The following PTPRG variants were observed in gnomAD, a reference collection of about 807,000 sequenced individuals.
PTPRG encodes receptor-type tyrosine-protein phosphatase gamma.
Under a neutral mutation model 165.3 loss-of-function variants are expected in PTPRG, and 102 were observed. The observed-to-expected ratio is 0.62, with a 90% CI of 0.53 to 0.73. The LOEUF is 0.73. PTPRG is among the 30% of genes least tolerant of loss of function. The pLI is 0.00. For missense variants in PTPRG, 1,866 were observed against 1,861.4 expected (o/e 1.00, Z -0.05); for synonymous variants, 675 against 669.5 (o/e 1.01, Z -0.13).
At chr3:61,859,098 G>A (rs988355014) in intron 2 of PTPRG, among the ~76,000 whole-genome samples, 1 of 152,096 alleles carries the variant, frequency 6.6e-6, no homozygotes, top group Non-Finnish European at 1.5e-5. Flanking sequence ...GCAAAATAAA[G>A]CTTAATCTAG....
intron 5 of PTPRG, among the ~76,000 whole-genome samples, chr3:62,096,397 T>C (rs911421394): frequency 2.6e-5 from 4 of 152,200 alleles, no homozygotes; most frequent in African/African-American, 4.8e-5. Context: ...CACTTTTTGC[T>C]GCTTTTCTCA....
At chr3:61,803,547 A>G (rs1478964342) in intron 2 of PTPRG, among the ~76,000 whole-genome samples, 2 of 126,574 alleles carry the variant, frequency 1.6e-5, no homozygotes, top group Middle Eastern at 3.8e-3. Flanking sequence ...GCACACTGCA[A>G]CCCACAGTAC....
chr3:61,991,230 G>A (rs1294185868), intron 3 of PTPRG, among the ~76,000 whole-genome samples: 1 of 152,120 alleles, frequency 6.6e-6, no homozygotes, highest in African/African-American at 2.4e-5. Context: ...TTTTGAGACG[G>A]AGTCTCACTC....
chr3:62,170,122 A>T (rs1705160558), intron 8 of PTPRG, among the ~76,000 whole-genome samples: 1 of 152,190 alleles, frequency 6.6e-6, no homozygotes, highest in Admixed American at 6.5e-5. Context: ...ATTTGGGGAC[A>T]ATAGATTGTC....
At chr3:61,646,749 A>G (rs1702212396) in intron 1 of PTPRG, among the ~76,000 whole-genome samples, 1 of 152,204 alleles carries the variant, frequency 6.6e-6, no homozygotes, top group South Asian at 2.1e-4. Context: ...ATCTAGATAC[A>G]GGACAGTTCC....
At chr3:62,086,278 A>ATTTTTTTTT (rs34119209) in intron 5 of PTPRG, among the ~76,000 whole-genome samples, 1 of 148,172 alleles carries the variant, frequency 6.7e-6, no homozygotes. Context: ...TATGGTTTTA[A>ATTTTTTTTT]TTTTTTTTTT....
intron 1 of PTPRG, among the ~76,000 whole-genome samples, chr3:61,641,975 C>T (rs1220448448): frequency 6.6e-6 from 1 of 152,088 alleles, no homozygotes; most frequent in Non-Finnish European, 1.5e-5. Flanking sequence ...ATGGAGGGCA[C>T]CCCCCAGCCT....
chr3:61,817,144 TAC>T (rs2035803583), intron 2 of PTPRG, among the ~76,000 whole-genome samples: 1 of 126,434 alleles, frequency 7.9e-6, no homozygotes, highest in Admixed American at 9.8e-5. Context: ...ATACATATAT[TAC>T]ATATATATAA....
At chr3:61,962,498 G>A (rs189896036) in intron 2 of PTPRG, among the ~76,000 whole-genome samples, 1 of 152,162 alleles carries the variant, frequency 6.6e-6, no homozygotes, top group South Asian at 2.1e-4. Flanking sequence ...AGTGTGGCGT[G>A]TATAGGAAAA....
At chr3:61,676,641 T>C (rs996946262) in intron 1 of PTPRG, among the ~76,000 whole-genome samples, 3 of 151,914 alleles carry the variant, frequency 2.0e-5, no homozygotes, top group African/African-American at 7.3e-5. Context: ...CGTGTTGCGG[T>C]TGCATGTGAC....
chr3:62,263,544 C>T (rs1035891303), intron 17 of PTPRG: 3 of 152,486 alleles, frequency 2.0e-5, no homozygotes, highest in African/African-American at 7.2e-5. Context: ...ATAATATATG[C>T]TTTGATACTA....
At chr3:61,911,081 T>C (rs915758371) in intron 2 of PTPRG, among the ~76,000 whole-genome samples, 1 of 152,224 alleles carries the variant, frequency 6.6e-6, no homozygotes, top group South Asian at 2.1e-4. Flanking sequence ...CAGTTTCTCA[T>C]AGTGTCTTTA....
At chr3:62,036,043 C>T (rs1194175569) in intron 4 of PTPRG, among the ~76,000 whole-genome samples, 8 of 135,506 alleles carry the variant, frequency 5.9e-5, no homozygotes, top group African/African-American at 2.3e-4. Context: ...GTGTCAGTGA[C>T]CAAAAAAAAA....
At chr3:61,626,599 C>T (rs985867935) in intron 1 of PTPRG, among the ~76,000 whole-genome samples, 2 of 152,132 alleles carry the variant, frequency 1.3e-5, no homozygotes, top group Non-Finnish European at 2.9e-5. Flanking sequence ...TCCACCAAAT[C>T]GTGAACCTTC....
Position 61,562,361 on chromosome 3 carries a change from TG to T in PTPRG, c.75del (p.Cys26AlafsTer5). The T allele has an allele frequency of 6.2e-7, 1 of 1,613,590 alleles. No individual in the cohort carries two copies. Among genetic ancestry groups the T allele is most frequent in the Non-Finnish European group, 8.5e-7 (1 of 1,179,622 alleles). On this transcript the variant is annotated frameshift_variant, in exon 1 of 30. Coordinates refer to ENST00000474889, the MANE Select transcript of PTPRG (RefSeq NM_002841.4). LOFTEE classifies it high-confidence loss of function. ...ACCAGTTCCGTGCTCCATTATGTCGTGTGCTTCCCCGGTGAGTGCCGGCCGC... is the reference window on the plus strand; with the variant it reads ...ACCAGTTCCGTGCTCCATTATGTCGTTGCTTCCCCGGTGAGTGCCGGCCGC... ...KITSSVLHYV[V>X]CFPALTEGYV...
chr3:61,772,603 GA>G (rs1277066354), intron 2 of PTPRG, among the ~76,000 whole-genome samples: 2 of 151,892 alleles, frequency 1.3e-5, no homozygotes, highest in African/African-American at 4.8e-5. Context: ...TGCCTTTGGT[GA>G]CATCATTCTC....
At chr3:61,988,044 G>A (rs1049010784) in intron 2 of PTPRG, among the ~76,000 whole-genome samples, 2 of 152,174 alleles carry the variant, frequency 1.3e-5, no homozygotes, top group African/African-American at 2.4e-5. Context: ...AGAAAATGGT[G>A]ATGTGAACTT....
At chr3:61,834,825 A>T (rs1421253923) in intron 2 of PTPRG, among the ~76,000 whole-genome samples, 1 of 152,152 alleles carries the variant, frequency 6.6e-6, no homozygotes, top group African/African-American at 2.4e-5. Flanking sequence ...AGAAAAAAAC[A>T]TGAACATTTT....
intron 2 of PTPRG, among the ~76,000 whole-genome samples, chr3:61,769,070 A>G (rs1163683972): frequency 6.6e-6 from 1 of 152,224 alleles, no homozygotes; most frequent in African/African-American, 2.4e-5. Flanking sequence ...GGGGGATAAA[A>G]TGCCATTTAG....
Sources: allele counts gnomAD v4.1 joint callset (sites outside exome capture counted in the v4.1 genomes callset), GRCh38; gene constraint gnomAD v4.1.1; transcripts MANE v1.5; gene names NCBI Gene and HGNC (gene_info 2026-07-23, HGNC 2026-07-21).